The following GABRA3 variants were observed in gnomAD, a reference collection of about 807,000 sequenced individuals.
GABRA3 encodes the protein gamma-aminobutyric acid receptor subunit alpha-3.
Under a neutral mutation model 30.1 loss-of-function variants are expected in GABRA3, and 10 were observed. The observed-to-expected ratio is 0.33, with a 90% CI of 0.20 to 0.56. GABRA3 has a LOEUF of 0.56. Ranked by LOEUF, GABRA3 falls within the 20% of genes least tolerant of loss-of-function variation. The pLI is 0.89. For synonymous variants in GABRA3, 151 were observed against 146.8 expected, an observed-to-expected ratio of 1.03 and a Z score of -0.21; for missense variants, 233 against 392.0, an observed-to-expected ratio of 0.59 and a Z score of 3.42.
intron 2 of GABRA3, among the ~76,000 whole-genome samples, chrX:152,349,376 A>G (rs1940440295): frequency 9.1e-6 from 1 of 110,427 alleles, no homozygotes; most frequent in African/African-American, 3.3e-5. Context: ...CACCATCGAG[A>G]CTAGGAAGAA....
At chrX:152,267,898 G>C (rs1428574259) in intron 4 of GABRA3, among the ~76,000 whole-genome samples, 2 of 109,157 alleles carry the variant, frequency 1.8e-5, no homozygotes, top group Non-Finnish European at 3.8e-5. Flanking sequence ...CTTTCTCTTA[G>C]TGTAGCTACA....
At chrX:152,396,084 T>G (rs779240843) in intron 1 of GABRA3, among the ~76,000 whole-genome samples, 1 of 111,960 alleles carries the variant, frequency 8.9e-6, no homozygotes, top group African/African-American at 3.2e-5. Flanking sequence ...AAGATGCCTT[T>G]ATAATGGATT....
At chrX:152,388,074 T>C (rs940322932) in intron 1 of GABRA3, among the ~76,000 whole-genome samples, 1 of 112,141 alleles carries the variant, frequency 8.9e-6, no homozygotes, top group African/African-American at 3.2e-5. Flanking sequence ...AAATAAACAA[T>C]GGTCGTTGAT....
At chrX:152,269,476 GA>G (rs1938887984) in intron 4 of GABRA3, among the ~76,000 whole-genome samples, 1 of 111,756 alleles carries the variant, frequency 8.9e-6, no homozygotes, top group African/African-American at 3.3e-5. Flanking sequence ...CACAGAAAAA[GA>G]AAAGACGAAT....
chrX:152,199,220 G>T (rs1937438056), intron 7 of GABRA3, among the ~76,000 whole-genome samples: 1 of 107,133 alleles, frequency 9.3e-6, no homozygotes, highest in Non-Finnish European at 2.0e-5. Flanking sequence ...CAAAATATTA[G>T]CCGGGTGTGG....
chrX:152,189,387 G>A (rs1937294521), intron 9 of GABRA3, among the ~76,000 whole-genome samples: 1 of 111,789 alleles, frequency 8.9e-6, no homozygotes, highest in Non-Finnish European at 1.9e-5. Context: ...CTGGGAAGAG[G>A]GGCAGAGATG....
At chrX:152,417,701 A>T (rs2124535343) in intron 1 of GABRA3, among the ~76,000 whole-genome samples, 1 of 97,644 alleles carries the variant, frequency 1.0e-5, no homozygotes, top group African/African-American at 3.8e-5. Context: ...AGCCATAAAA[A>T]ATGATGAGTT....
chrX:152,312,139 A>G (rs1473056853), intron 3 of GABRA3, among the ~76,000 whole-genome samples: 1 of 112,227 alleles, frequency 8.9e-6, no homozygotes, highest in Non-Finnish European at 1.9e-5. Context: ...ATACTGACCA[A>G]AGCAATGTAC....
chrX:152,168,369 G>A lies in GABRA3; in HGVS notation c.1338C>T (p.Thr446=). The A allele has an allele frequency of 8.3e-7, 1 of 1,211,750 alleles. No homozygotes were observed. Among genetic ancestry groups the A allele is most frequent in the African/African-American group, 1.7e-5 (1 of 57,792 alleles). The change falls in exon 10 of 10, where the codon ACC becomes ACT. Residue 446 remains threonine (T), a synonymous_variant. Coordinates refer to ENST00000370314, the MANE Select transcript of GABRA3 (RefSeq NM_000808.4). ...CCTTGCTGACACTGTTGTAGGTCTTGGTCTCAGTCGGGCTGTCCTGCACGT... is the reference window on the plus strand; with the variant it reads ...CCTTGCTGACACTGTTGTAGGTCTTAGTCTCAGTCGGGCTGTCCTGCACGT... ...ATYVQDSPTE[T]KTYNSVSKVD...
At chrX:152,173,137 C>G (rs998384418) in intron 9 of GABRA3, among the ~76,000 whole-genome samples, 1 of 108,831 alleles carries the variant, frequency 9.2e-6, no homozygotes, top group Non-Finnish European at 1.9e-5. Context: ...CAAGGGAGTT[C>G]AAGAGAAGGA....
chrX:152,343,895 T>C (rs960999919), intron 3 of GABRA3, among the ~76,000 whole-genome samples: 1 of 112,178 alleles, frequency 8.9e-6, no homozygotes, highest in Non-Finnish European at 1.9e-5. Flanking sequence ...GGACTGCAAT[T>C]AGTAGTATCA....
chrX:152,312,062 G>A (rs1939806167), intron 3 of GABRA3, among the ~76,000 whole-genome samples: 1 of 111,789 alleles, frequency 8.9e-6, no homozygotes, highest in Non-Finnish European at 1.9e-5. Flanking sequence ...AGAAATCAGA[G>A]ATGACACAAA....
intron 2 of GABRA3, among the ~76,000 whole-genome samples, chrX:152,357,851 C>A (rs780868248): frequency 8.1e-5 from 9 of 111,287 alleles, no homozygotes; most frequent in African/African-American, 2.9e-4. Flanking sequence ...TGTGAAAGAT[C>A]AGATGTTTGT....
At chrX:152,348,598 C>T (rs1372808826) in intron 2 of GABRA3, among the ~76,000 whole-genome samples, 1 of 111,448 alleles carries the variant, frequency 9.0e-6, no homozygotes, top group Non-Finnish European at 1.9e-5. Context: ...CTGCCACTAA[C>T]TGACTGTGAG....
intron 1 of GABRA3, among the ~76,000 whole-genome samples, chrX:152,377,940 CAAATA>C (rs1240153332): frequency 1.8e-5 from 2 of 111,891 alleles, no homozygotes; most frequent in Non-Finnish European, 3.8e-5. Context: ...CAAATTGAGA[CAAATA>C]AAACAGACAA....
chrX:152,222,521 G>A (rs186474350), intron 6 of GABRA3, among the ~76,000 whole-genome samples: 9 of 107,832 alleles, frequency 8.3e-5, no homozygotes, highest in East Asian at 3.0e-4. Context: ...AAACTCTGAC[G>A]TCTAAATCAC....
intron 5 of GABRA3, among the ~76,000 whole-genome samples, chrX:152,232,837 C>T (rs1013284778): frequency 1.8e-5 from 2 of 110,202 alleles, no homozygotes; most frequent in East Asian, 2.9e-4. Flanking sequence ...TACCCAAGAG[C>T]GAGACTACTG....
chrX:152,437,171 G>T (rs1487868956), intron 1 of GABRA3, among the ~76,000 whole-genome samples: 1 of 111,438 alleles, frequency 9.0e-6, no homozygotes, highest in Non-Finnish European at 1.9e-5. Context: ...GACTGACAAG[G>T]CAGGATACAA....
At chrX:152,175,810 A>G (rs904178327) in intron 9 of GABRA3, among the ~76,000 whole-genome samples, 2 of 111,192 alleles carry the variant, frequency 1.8e-5, no homozygotes, top group African/African-American at 6.5e-5. Context: ...CACGCCTGTA[A>G]TCCCAGCACT....
Sources: gnomAD v4.1 joint callset for allele counts (sites outside exome capture counted in the v4.1 genomes callset) on GRCh38, gnomAD v4.1.1 for gene constraint, MANE v1.5 for transcripts, NCBI Gene and HGNC (gene_info 2026-07-23, HGNC 2026-07-21) for gene names.